Variants in ISY1 observed in about 807,000 individuals in gnomAD.
ISY1 encodes the protein pre-mRNA-splicing factor ISY1 homolog.
ISY1 carries 12 observed loss-of-function variants against 54.4 expected under a neutral mutation model. That is an observed-to-expected ratio of 0.22 (90% CI 0.14 to 0.36). The LOEUF (loss-of-function observed/expected upper bound fraction) is 0.36. Among genes scored for constraint, ISY1 ranks in the 10% least tolerant of loss-of-function variants. The pLI, the probability that ISY1 is intolerant of heterozygous loss-of-function variation, is 1.00. For synonymous variants in ISY1, 96 were observed against 117.9 expected (o/e 0.81, Z 1.20); for missense variants, 282 against 342.2 (o/e 0.82, Z 1.39).
chr3:129,151,507 TA>T (rs887167714), intron 5 of ISY1, among the ~76,000 whole-genome samples: 30 of 151,882 alleles, frequency 2.0e-4, no homozygotes, highest in Non-Finnish European at 3.8e-4. Flanking sequence ...CACATGCCTG[TA>T]GTCCCAGCTA....
intron 5 of ISY1, among the ~76,000 whole-genome samples, chr3:129,147,041 A>T (rs1936781784): frequency 6.6e-6 from 1 of 151,704 alleles, no homozygotes; most frequent in Admixed American, 6.6e-5. Flanking sequence ...CCTGGGTGAC[A>T]GAGTGAGACC....
At chr3:129,134,797 C>A in intron 8 of ISY1, 35 bp downstream of exon 8, 1 of 1,577,204 alleles carries the variant, frequency 6.3e-7, no homozygotes, top group East Asian at 2.3e-5. Context: ...AAAACAGATG[C>A]CATCTATTAT....
Position 129,141,047 on chromosome 3 carries a change from T to C in ISY1, c.301-562A>G, listed in dbSNP as rs567371668. On this transcript the variant is annotated intron_variant, in intron 6 of 10. Coordinates refer to ENST00000393295, the MANE Select transcript of ISY1 (RefSeq NM_020701.4). Reference sequence around the variant, plus strand: ...GGCAAAACCCTGTCTCTACTAAATATACAAAAATTAGCTGGGTGTGGTGAG... The same window carrying C: ...GGCAAAACCCTGTCTCTACTAAATACACAAAAATTAGCTGGGTGTGGTGAG... Among the ~76,000 whole-genome samples the C allele has an allele frequency of 2.2e-5, 3 of 135,300 alleles. No homozygotes were observed. The East Asian group carries it at 7.0e-4, about 31-fold the overall frequency. The allele number at this position is 135,300 out of a possible 152,430, so 88.8% of individuals were successfully genotyped here.
chr3:129,127,664 G>C lies in ISY1; in HGVS notation c.*2417C>G, dbSNP rs1000056556. The C allele has an allele frequency of 6.6e-6, 1 of 152,334 alleles. No homozygotes were observed. The highest frequency in any genetic ancestry group is 2.4e-5 in the African/African-American group (1 of 41,422). The allele number at this position is 152,334 out of a possible 1,614,324, so 9.4% of individuals were successfully genotyped here. On this transcript the variant is annotated 3_prime_UTR_variant, in exon 11 of 11. Coordinates refer to ENST00000393295, the MANE Select transcript of ISY1 (RefSeq NM_020701.4). Reference sequence around the variant, plus strand: ...AGGAACACCTAGAGGATGTCCAGCTGGGTGCTTCTCCACTCTCAGTCTGTT... The same window carrying C: ...AGGAACACCTAGAGGATGTCCAGCTCGGTGCTTCTCCACTCTCAGTCTGTT...
chr3:129,156,680 T>TA lies in ISY1; in HGVS notation c.145-6dup, dbSNP rs760148915. On this transcript the variant is annotated splice_polypyrimidine_tract_variant and splice_region_variant and intron_variant, in intron 4 of 10. Transcript: ENST00000393295. ...TTTAGAGATCTCTCCAATGATCTAT[T>TA]AAAAAAAAGTAATACATTTTAATAA... 7 of 1,599,248 alleles carry TA rather than the reference T, an allele frequency of 4.4e-6. No individual in the cohort carries two copies. Among genetic ancestry groups the TA allele is most frequent in the Admixed American group, 1.7e-5 (1 of 57,536 alleles).
At chr3:129,160,494 A>G (rs762996997) in intron 1 of ISY1, among the ~76,000 whole-genome samples, 5 of 152,120 alleles carry the variant, frequency 3.3e-5, no homozygotes, top group Non-Finnish European at 5.9e-5. Flanking sequence ...GAACATCTGC[A>G]ACGACTCTGT....
chr3:129,160,027 T>TC (rs1003059455), intron 1 of ISY1, among the ~76,000 whole-genome samples: 5 of 144,768 alleles, frequency 3.5e-5, no homozygotes, highest in African/African-American at 1.3e-4. Context: ...CGGCTACTAC[T>TC]TTTTTTTTTT....
intron 8 of ISY1, 133 bp from the exon 9 acceptor site, chr3:129,134,328 C>A: frequency 6.7e-7 from 1 of 1,495,550 alleles, no homozygotes; most frequent in East Asian, 2.3e-5. Flanking sequence ...CATTCTGCCC[C>A]CGTGGGTGGA....
At chr3:129,136,329 T>C (rs900440275) in intron 7 of ISY1, among the ~76,000 whole-genome samples, 4 of 152,082 alleles carry the variant, frequency 2.6e-5, no homozygotes, top group Admixed American at 1.3e-4. Context: ...CTCGAACTCC[T>C]GACCTCAGGT....
intron 5 of ISY1, among the ~76,000 whole-genome samples, chr3:129,148,847 G>A (rs1477092151): frequency 6.6e-6 from 1 of 152,184 alleles, no homozygotes; most frequent in African/African-American, 2.4e-5. Flanking sequence ...AGGATTACAG[G>A]CGTGAGCCAC....
Position 129,141,147 on chromosome 3 carries a change from G to C in ISY1, c.301-662C>G, listed in dbSNP as rs1481513380. 7.3e-5 allele frequency among the ~76,000 whole-genome samples: 11 copies of C among 151,138 alleles called. 1 individual carries two copies. Among genetic ancestry groups the C allele is most frequent in the Middle Eastern group, 3.2e-3 (1 of 308 alleles). On this transcript the variant is annotated intron_variant, in intron 6 of 10. Transcript: ENST00000393295. ...TTGAACCTGGGAGGTGGAGATTGCA[G>C]CGAGCCAAGATCGTGCCACTGTACT...
At chr3:129,147,758 C>T (rs1238760522) in intron 5 of ISY1, among the ~76,000 whole-genome samples, 1 of 151,996 alleles carries the variant, frequency 6.6e-6, no homozygotes, top group African/African-American at 2.4e-5. Flanking sequence ...CAAAACATTC[C>T]CTTATGCATC....
Position 129,130,065 on chromosome 3 carries a change from G to C in ISY1, c.*16C>G, listed in dbSNP as rs547501981. On this transcript the variant is annotated 3_prime_UTR_variant, in exon 11 of 11. Coordinates refer to ENST00000393295, the MANE Select transcript of ISY1 (RefSeq NM_020701.4). ...CTGGGGGATGGAAGAACTCCAAGGA[G>C]AGCCCCAGCTGGGTCCTAATACCCC... 65 of 1,560,284 alleles carry C rather than the reference G, an allele frequency of 4.2e-5. 1 individual carries two copies. The South Asian group carries it at 4.4e-4, about 11-fold the overall frequency.
chr3:129,157,834 GT>G, intron 3 of ISY1, among the ~76,000 whole-genome samples: 1 of 151,906 alleles, frequency 6.6e-6, no homozygotes, highest in East Asian at 1.9e-4. Flanking sequence ...TGGAATTCAA[GT>G]GTACAGACTC....
At chr3:129,160,730 A>G (rs540735125) in intron 1 of ISY1, among the ~76,000 whole-genome samples, 2 of 152,282 alleles carry the variant, frequency 1.3e-5, no homozygotes, top group East Asian at 3.9e-4. Context: ...CCTCAGGTTA[A>G]CCTAAAGAGC....
chr3:129,140,389 T>C lies in ISY1; in HGVS notation c.397A>G (p.Arg133Gly). The C allele has an allele frequency of 6.2e-7, 1 of 1,610,404 alleles. No individual in the cohort carries two copies. Among genetic ancestry groups the C allele is most frequent in the East Asian group, 2.2e-5 (1 of 44,862 alleles). The stretch of plus-strand genomic sequence containing the variant: ...TTACGTTCTTTTTCAAACAGCTCTC[T>C]AACACCAGGCAAATCTTTTGCTGCT... ...FGAAKDLPGVRELFEKEPLPP... is the reference protein window; with the variant it reads ...FGAAKDLPGVGELFEKEPLPP... The change falls in exon 7 of 11, where the codon AGA (arginine) becomes GGA (glycine). Residue 133 changes from arginine (R) to glycine (G), a missense_variant. Physicochemically the swap from Arg to Gly is moderately radical, Grantham distance 125. Around this residue, in one of 2 missense-constraint regions of ISY1, gnomAD observed 279 missense variants for 323.6 expected, o/e 0.86. Coordinates refer to ENST00000393295, the MANE Select transcript of ISY1 (RefSeq NM_020701.4).
intron 9 of ISY1, among the ~76,000 whole-genome samples, chr3:129,131,787 A>G (rs1157481862): frequency 6.6e-6 from 1 of 152,210 alleles, no homozygotes; most frequent in Non-Finnish European, 1.5e-5. Flanking sequence ...GTTAGGGTTC[A>G]GCTAGGAGAA....
rs1054196195 is a variant in ISY1 at position 129,129,134 on chromosome 3, C to T, written c.*947G>A. 6.6e-6 allele frequency: 1 copy of T among 152,236 alleles called. No individual in the cohort carries two copies. The highest frequency in any genetic ancestry group is 2.4e-5 in the African/African-American group (1 of 41,452). 9.4% of individuals were successfully genotyped at this position (152,236 alleles called of 1,614,324 possible). On this transcript the variant is annotated 3_prime_UTR_variant, in exon 11 of 11. Transcript: ENST00000393295. ...AGTGACTGGTCACATCCTAATGCCACTGTCACCTCAGAGCCGTTGGCCCAG... is the reference window on the plus strand; with the variant it reads ...AGTGACTGGTCACATCCTAATGCCATTGTCACCTCAGAGCCGTTGGCCCAG...
intron 5 of ISY1, 121 bp from the exon 6 acceptor site, chr3:129,145,994 A>G: frequency 1.1e-6 from 1 of 875,458 alleles, no homozygotes; most frequent in South Asian, 1.9e-5. Flanking sequence ...ATACTACATA[A>G]AAACACTCAT....
Sources: gnomAD v4.1 joint callset for allele counts (sites outside exome capture counted in the v4.1 genomes callset) on GRCh38, gnomAD v4.1.1 for gene constraint, gnomAD v4.1.1 regional missense constraint, MANE v1.5 for transcripts, NCBI Gene and HGNC (gene_info 2026-07-23, HGNC 2026-07-21) for gene names.